The following DOCK10 variants were observed in gnomAD, a reference collection of about 807,000 sequenced individuals.
The protein encoded by DOCK10 is dedicator of cytokinesis 10.
DOCK10 carries 145 observed loss-of-function variants against 280.1 expected under a neutral mutation model. The observed-to-expected ratio is 0.52, with a 90% CI of 0.45 to 0.59. The LOEUF (loss-of-function observed/expected upper bound fraction) is 0.59, where lower values mean the gene tolerates loss of function less well. Among genes scored for constraint, DOCK10 ranks in the 20% least tolerant of loss-of-function variants. The probability of loss-of-function intolerance (pLI) is 0.00; values close to 1 mark genes in which losing one functional copy is unlikely to be tolerated. For synonymous variants in DOCK10, 915 were observed against 942.2 expected (o/e 0.97, Z 0.53); for missense variants, 2,368 against 2,651.7 (o/e 0.89, Z 2.35).
intron 1 of DOCK10, chr2:224,947,060 G>T (rs561747102): frequency 1.4e-6 from 2 of 1,411,868 alleles, no homozygotes; most frequent in South Asian, 3.2e-5. Flanking sequence ...TGGTAAAAAG[G>T]GAAATGCTCA....
chr2:224,874,314 A>T lies in DOCK10; in HGVS notation c.1053T>A (p.Thr351=). The T allele has an allele frequency of 6.2e-7, 1 of 1,613,144 alleles. No homozygotes were observed. Among genetic ancestry groups the T allele is most frequent in the South Asian group, 1.1e-5 (1 of 90,870 alleles). ...LTETEDTVKT[T]RNMERLNLFS... is the part of the protein sequence containing the mutation. ...ACAGATTTAGCCTCTCCATGTTTCG[A>T]GTTGTTTTTACAGTATCTTCTGTTT... The change falls in exon 10 of 56, where the codon ACT becomes ACA. Residue 351 remains threonine, a synonymous_variant. Transcript: ENST00000258390.
At chr2:224,921,092 TAAAAAAAAA>T (rs781152272) in intron 2 of DOCK10, among the ~76,000 whole-genome samples, 4,680 of 59,452 alleles carry the variant, frequency 0.079, 238 homozygotes, top group Middle Eastern at 0.15. Flanking sequence ...CCGTCTCTAT[TAAAAAAAAA>T]AAAAAAAAAA....
intron 2 of DOCK10, among the ~76,000 whole-genome samples, chr2:224,917,417 T>G (rs1188704072): frequency 3.3e-5 from 5 of 152,134 alleles, no homozygotes; most frequent in Admixed American, 6.5e-5. Flanking sequence ...AAATTTGAAA[T>G]GAAGAAGAAA....
Position 224,873,594 on chromosome 2 carries a change from C to CAAAAAAAAAAAAAAAAAA in DOCK10, c.1257+384_1257+401dup. On this transcript the variant is annotated intron_variant, in intron 11 of 55. Transcript: ENST00000258390. ...CCTGGGCAACAGAGCAAGACCATCT[C>CAAAAAAAAAAAAAAAAAA]AAAAAAAAAAAAAAAAAAAAAAAAA... is the stretch of plus-strand genomic sequence containing the variant. Among the ~76,000 whole-genome samples, 2 of 33,656 alleles carry CAAAAAAAAAAAAAAAAAA rather than the reference C, an allele frequency of 5.9e-5. 1 individual carries two copies. Among genetic ancestry groups the CAAAAAAAAAAAAAAAAAA allele is most frequent in the Non-Finnish European group, 1.1e-4 (2 of 17,916 alleles). The allele number at this position is 33,656 out of a possible 152,430, so 22.1% of individuals were successfully genotyped here.
intron 14 of DOCK10, among the ~76,000 whole-genome samples, chr2:224,857,469 T>C (rs748275204): frequency 6.6e-6 from 1 of 152,216 alleles, no homozygotes; most frequent in Non-Finnish European, 1.5e-5. Context: ...AATGTGCCCA[T>C]GTCCTAACTT....
At chr2:224,859,933 T>TG (rs1214469929) in intron 14 of DOCK10, among the ~76,000 whole-genome samples, 2 of 152,218 alleles carry the variant, frequency 1.3e-5, no homozygotes, top group East Asian at 3.9e-4. Flanking sequence ...TATACTTTTT[T>TG]GTGGTTAGGT....
intron 28 of DOCK10, 88 bp downstream of exon 28, chr2:224,823,413 A>C: frequency 8.7e-7 from 1 of 1,144,452 alleles, no homozygotes; most frequent in Middle Eastern, 2.1e-4. Flanking sequence ...TTCATCATAC[A>C]TGAAGATGTG....
chr2:224,978,278 C>T (rs1032806538), intron 1 of DOCK10, among the ~76,000 whole-genome samples: 4 of 151,920 alleles, frequency 2.6e-5, no homozygotes, highest in Non-Finnish European at 5.9e-5. Context: ...ATTAAAAATA[C>T]AAAAAATTAG....
At chr2:224,841,232 G>A (rs1412209033) in intron 23 of DOCK10, among the ~76,000 whole-genome samples, 1 of 152,128 alleles carries the variant, frequency 6.6e-6, no homozygotes, top group Non-Finnish European at 1.5e-5. Context: ...ATCTCTAAGA[G>A]AGTGGATATT....
intron 1 of DOCK10, among the ~76,000 whole-genome samples, chr2:224,962,646 T>C (rs938513038): frequency 3.3e-5 from 5 of 152,226 alleles, no homozygotes; most frequent in African/African-American, 1.2e-4. Context: ...CTTGTGACTA[T>C]TCAATTATAC....
intron 53 of DOCK10, among the ~76,000 whole-genome samples, chr2:224,771,986 T>A (rs1035740350): frequency 6.6e-6 from 1 of 151,864 alleles, no homozygotes; most frequent in Non-Finnish European, 1.5e-5. Context: ...AATGGCATGA[T>A]CTCAGCTCAC....
chr2:224,774,915 C>G lies in DOCK10; in HGVS notation c.6003G>C (p.Thr2001=). 1.9e-6 allele frequency: 3 copies of G among 1,591,516 alleles called. No homozygotes were observed. The highest frequency in any genetic ancestry group is 2.6e-6 in the Non-Finnish European group (3 of 1,168,276). The change falls in exon 52 of 56, where the codon ACG becomes ACC. Residue 2001 remains threonine (T), a synonymous_variant. Coordinates refer to ENST00000258390, the MANE Select transcript of DOCK10 (RefSeq NM_014689.3). The part of the protein sequence containing the change: ...GGVAEQCKRR[T]ILTTSHLFPY... Reference sequence around the variant, plus strand: ...GCTACCTGCACCTACTTGTCAGGATCGTCCGCCGCTTGCACTGCTCCGCCA... The same window carrying G: ...GCTACCTGCACCTACTTGTCAGGATGGTCCGCCGCTTGCACTGCTCCGCCA...
In DOCK10 at chr2:224,970,270, A is replaced by G. The variant is rs2126206308; in HGVS notation, c.124-38602T>C. Among the ~76,000 whole-genome samples the G allele has an allele frequency of 6.6e-6, 1 of 152,322 alleles. No individual in the cohort carries two copies. Among genetic ancestry groups the G allele is most frequent in the South Asian group, 2.1e-4 (1 of 4,820 alleles). On this transcript the variant is annotated intron_variant, in intron 1 of 55. Coordinates refer to ENST00000258390, the MANE Select transcript of DOCK10 (RefSeq NM_014689.3). This position sits in a 1 kb window ranked among gnomAD's most constrained non-coding sequence, Gnocchi z 4.6. ...CATTTTACAGATTAAAAAGAGGTGC[A>G]GTCCCTCAGTGATCCAGGCACTGTG... is the stretch of plus-strand genomic sequence containing the variant.
At chr2:224,780,855 G>C (rs985423782) in intron 50 of DOCK10, among the ~76,000 whole-genome samples, 1 of 151,438 alleles carries the variant, frequency 6.6e-6, no homozygotes. Flanking sequence ...AGCCAAGTTC[G>C]AGCCACTGCA....
chr2:224,834,819 G>C (rs1040243262), intron 25 of DOCK10, among the ~76,000 whole-genome samples: 2 of 152,086 alleles, frequency 1.3e-5, no homozygotes, highest in Admixed American at 6.6e-5. Context: ...ATTGGTTTTG[G>C]CATGCACCAC....
At position 224,770,197 on chromosome 2, in the gene DOCK10, C is replaced by G; in HGVS notation, c.6444+14G>C. 6.5e-7 allele frequency: 1 copy of G among 1,537,082 alleles called. No homozygotes were observed. The highest frequency in any genetic ancestry group is 8.8e-7 in the Non-Finnish European group (1 of 1,141,764). ...CTGTCCACTGATAGCGCGTGTGCAC[C>G]AAGGAGCGCTCACCTGCTCATTCAT... On this transcript the variant is annotated intron_variant, in intron 55 of 55. Coordinates refer to ENST00000258390, the MANE Select transcript of DOCK10 (RefSeq NM_014689.3). The surrounding 1 kb of genome is among the most constrained non-coding windows in gnomAD (Gnocchi z 4.5).
chr2:224,922,449 C>G (rs750292389), intron 2 of DOCK10, among the ~76,000 whole-genome samples: 2 of 152,186 alleles, frequency 1.3e-5, no homozygotes, highest in African/African-American at 2.4e-5. Context: ...CAGTGGAACT[C>G]AGCTGAGCTT....
chr2:225,023,671 C>T (rs549806144), intron 1 of DOCK10, among the ~76,000 whole-genome samples: 3 of 152,188 alleles, frequency 2.0e-5, no homozygotes, highest in South Asian at 4.2e-4. Flanking sequence ...AAGCAGGGCT[C>T]CCCTAGAAAA....
At chr2:224,954,392 T>C (rs1703928510) in intron 1 of DOCK10, among the ~76,000 whole-genome samples, 1 of 152,210 alleles carries the variant, frequency 6.6e-6, no homozygotes, top group African/African-American at 2.4e-5. Context: ...TAAAATACAT[T>C]GATTTTAGGG....
Sources: gnomAD v4.1 joint callset for allele counts (sites outside exome capture counted in the v4.1 genomes callset) on GRCh38, gnomAD v4.1.1 for gene constraint, Gnocchi (gnomAD v3.1) non-coding constraint, MANE v1.5 for transcripts, NCBI Gene and HGNC (gene_info 2026-07-23, HGNC 2026-07-21) for gene names.